PDE2A: variants seen among roughly 807,000 people sequenced by gnomAD.
PDE2A encodes cGMP-dependent 3',5'-cyclic phosphodiesterase.
A neutral mutation model predicts 133.6 loss-of-function variants in PDE2A; 53 were observed. That is an observed-to-expected ratio of 0.40 (90% CI 0.32 to 0.50). The LOEUF is 0.50. PDE2A is among the 20% of genes least tolerant of loss of function. The probability of loss-of-function intolerance (pLI) is 0.73; values close to 1 mark genes in which losing one functional copy is unlikely to be tolerated. For missense variants in PDE2A, 796 were observed against 1,232.4 expected (o/e 0.65, Z 5.30); for synonymous variants, 491 against 490.2 (o/e 1.00, Z -0.02).
At chr11:72,661,038 C>T (rs1408882552) in intron 1 of PDE2A, among the ~76,000 whole-genome samples, 1 of 152,104 alleles carries the variant, frequency 6.6e-6, no homozygotes, top group Non-Finnish European at 1.5e-5. Context: ...GGTGCAGTGG[C>T]TCACACCTGT....
chr11:72,664,391 T>TTTTTTTTTTTA (rs57162079), intron 1 of PDE2A, among the ~76,000 whole-genome samples: 1 of 102,046 alleles, frequency 9.8e-6, no homozygotes, highest in Admixed American at 1.0e-4. Flanking sequence ...TTTTTTTTTT[T>TTTTTTTTTTTA]GAGACGGAGT....
chr11:72,595,217 C>T (rs993386929), intron 6 of PDE2A, among the ~76,000 whole-genome samples: 10 of 152,186 alleles, frequency 6.6e-5, no homozygotes, highest in Admixed American at 6.5e-4. Flanking sequence ...TTCTCAGGCA[C>T]CTGGCACCCC....
At chr11:72,600,511 A>G (rs550804046) in intron 4 of PDE2A, among the ~76,000 whole-genome samples, 27 of 151,692 alleles carry the variant, frequency 1.8e-4, no homozygotes, top group Middle Eastern at 3.4e-3. Context: ...TTCCTCTGCC[A>G]TAGCCCTCCC....
chr11:72,608,254 C>A (rs571323838), intron 3 of PDE2A, among the ~76,000 whole-genome samples: 2 of 152,204 alleles, frequency 1.3e-5, no homozygotes, highest in African/African-American at 4.8e-5. Context: ...GAGCCCTATT[C>A]TAGTACCTCC....
At chr11:72,669,247 C>T (rs1437937362) in intron 1 of PDE2A, among the ~76,000 whole-genome samples, 3 of 152,164 alleles carry the variant, frequency 2.0e-5, no homozygotes, top group African/African-American at 4.8e-5. Flanking sequence ...GCCTCCTCTG[C>T]GCCCAAGGCA....
chr11:72,582,176 G>C, intron 21 of PDE2A: 1 of 608,928 alleles, frequency 1.6e-6, no homozygotes, highest in Non-Finnish European at 2.9e-6. Context: ...AGAAAAACAG[G>C]GTTGGGAGGG....
intron 6 of PDE2A, among the ~76,000 whole-genome samples, chr11:72,594,676 C>T (rs1374024314): frequency 6.6e-6 from 1 of 152,082 alleles, no homozygotes; most frequent in Non-Finnish European, 1.5e-5. Flanking sequence ...ACCACACTCT[C>T]CCCTCAGCAC....
chr11:72,583,484 T>C lies in PDE2A; in HGVS notation c.1682A>G (p.Gln561Arg). The C allele has an allele frequency of 1.2e-6, 2 of 1,612,536 alleles. No individual in the cohort carries two copies. The highest frequency in any genetic ancestry group is 1.7e-6 in the Non-Finnish European group (2 of 1,178,546). ...SLLYKKVNEA[Q>R]YRSHLANEMM... Reference sequence around the variant, plus strand: ...CTCATTGGCCAGGTGGCTGCGATACTGAGCCTCATTCACTTTTTTGTATAG... The same window carrying C: ...CTCATTGGCCAGGTGGCTGCGATACCGAGCCTCATTCACTTTTTTGTATAG... Residue 561 changes from glutamine (Q) to arginine (R), a missense_variant, in exon 20 of 31, where the codon CAG becomes CGG. Gln to Arg is a conservative substitution (Grantham distance 43). This residue lies in a region of PDE2A where 218 missense variants were observed against 465.9 expected (regional missense o/e 0.47). Transcript: ENST00000334456.
chr11:72,672,035 C>T (rs1406556651), intron 1 of PDE2A, among the ~76,000 whole-genome samples: 1 of 152,128 alleles, frequency 6.6e-6, no homozygotes, highest in African/African-American at 2.4e-5. Context: ...TCCAGCCTTT[C>T]CCAAGTTCTC....
rs1324745689 is a variant in PDE2A, at chr11:72,596,472, T to TCA, written c.489+120_489+121insTG. On this transcript the variant is annotated intron_variant, in intron 6 of 30. Coordinates refer to ENST00000334456, the MANE Select transcript of PDE2A (RefSeq NM_002599.5). Reference sequence around the variant, plus strand: ...TATGGCTCCCATCTCTCTCTCTCTCTCTCTCTCTCTCTCACACACACACAC... The same window carrying TCA: ...TATGGCTCCCATCTCTCTCTCTCTCTCACTCTCTCTCTCTCACACACACACAC... 3.7e-3 allele frequency: 819 copies of TCA among 218,830 alleles called. 6 individuals carry two copies. Among genetic ancestry groups the TCA allele is most frequent in the African/African-American group, 0.03 (764 of 25,382 alleles). 13.6% of individuals were successfully genotyped at this position (218,830 alleles called of 1,614,324 possible).
chr11:72,659,662 T>G (rs945854930), intron 1 of PDE2A, among the ~76,000 whole-genome samples: 2 of 152,184 alleles, frequency 1.3e-5, no homozygotes, highest in Non-Finnish European at 2.9e-5. Flanking sequence ...GTGGGGTTTA[T>G]GGCCTCTGGT....
chr11:72,604,408 CA>C lies in PDE2A; in HGVS notation c.323+729del, dbSNP rs752464852. Reference sequence around the variant, plus strand: ...CTGAATTAAATGGGCATCAAGGTATCAGGGGGCCAAGTGCCCTGATCCCATG... The same window carrying C: ...CTGAATTAAATGGGCATCAAGGTATCGGGGGCCAAGTGCCCTGATCCCATG... On this transcript the variant is annotated intron_variant, in intron 4 of 30. Coordinates refer to ENST00000334456, the MANE Select transcript of PDE2A (RefSeq NM_002599.5). Among the ~76,000 whole-genome samples the C allele has an allele frequency of 4.6e-5, 7 of 152,286 alleles. No homozygotes were observed. In the South Asian group the frequency reaches 1.5e-3, roughly 32 times the overall value.
At position 72,596,654 on chromosome 11, in the gene PDE2A, G is replaced by C. The variant is rs369319916; in HGVS notation, c.434-6C>G. On this transcript the variant is annotated splice_polypyrimidine_tract_variant and splice_region_variant and intron_variant, in intron 5 of 30. Coordinates refer to ENST00000334456, the MANE Select transcript of PDE2A (RefSeq NM_002599.5). The stretch of plus-strand genomic sequence containing the variant: ...CGCTAGCGGCATGACCAGCACTGAG[G>C]GGGAGAGGGCAATGAGGTGCTCCTG... 2.7e-6 allele frequency: 4 copies of C among 1,459,842 alleles called. No homozygotes were observed. The highest frequency in any genetic ancestry group is 3.7e-6 in the Non-Finnish European group (4 of 1,095,348). 90.4% of individuals were successfully genotyped at this position (1,459,842 alleles called of 1,614,324 possible).
intron 2 of PDE2A, among the ~76,000 whole-genome samples, chr11:72,621,166 G>A (rs1181103334): frequency 6.6e-6 from 1 of 152,158 alleles, no homozygotes; most frequent in Non-Finnish European, 1.5e-5. Context: ...CACAGGCCCT[G>A]CTCTTAATCA....
At chr11:72,616,230 G>A (rs953037556) in intron 2 of PDE2A, among the ~76,000 whole-genome samples, 6 of 152,202 alleles carry the variant, frequency 3.9e-5, no homozygotes, top group African/African-American at 1.4e-4. Flanking sequence ...TGAATGGAGT[G>A]ATCTCCCTTC....
intron 1 of PDE2A, among the ~76,000 whole-genome samples, chr11:72,656,686 T>G (rs1449055583): frequency 6.6e-6 from 1 of 151,918 alleles, no homozygotes; most frequent in Non-Finnish European, 1.5e-5. Context: ...TCCTCGCCTT[T>G]CTCGGAGGTA....
chr11:72,652,605 T>C (rs750766097), intron 1 of PDE2A: 1 of 456,324 alleles, frequency 2.2e-6, no homozygotes, highest in South Asian at 1.5e-5. Flanking sequence ...GGAATGGCCA[T>C]TGATGACCAC....
At chr11:72,585,117 T>G (rs1457290977) in intron 16 of PDE2A, 173 bp from the exon 17 acceptor site, 6 of 195,280 alleles carry the variant, frequency 3.1e-5, no homozygotes, top group Admixed American at 2.6e-4. Flanking sequence ...GTGTTTTGTT[T>G]TTTTTTTTTT....
At chr11:72,589,303 G>T in intron 11 of PDE2A, 63 bp from the exon 12 acceptor site, 2 of 1,201,878 alleles carry the variant, frequency 1.7e-6, no homozygotes, top group Non-Finnish European at 2.5e-6. Context: ...ATCTCAACCT[G>T]TCCCCACCCT....
Sources: allele counts gnomAD v4.1 joint callset (sites outside exome capture counted in the v4.1 genomes callset), GRCh38; gene constraint gnomAD v4.1.1; regional missense constraint gnomAD v4.1.1; transcripts MANE v1.5; gene names NCBI Gene and HGNC (gene_info 2026-07-23, HGNC 2026-07-21).